Variants in PRKN observed in about 807,000 individuals in gnomAD.
PRKN encodes the protein parkin RBR E3 ubiquitin protein ligase, also known as E3 ubiquitin-protein ligase parkin.
PRKN carries 56 observed loss-of-function variants against 59.5 expected under a neutral mutation model. That is an observed-to-expected ratio of 0.94 (90% confidence interval 0.76 to 1.18). The LOEUF (loss-of-function observed/expected upper bound fraction) is 1.18, where lower values mean the gene tolerates loss of function less well. Among genes scored for constraint, PRKN ranks in the 50% most tolerant of loss-of-function variants. PRKN has a pLI of 0.00. For missense variants in PRKN, 657 were observed against 596.4 expected, an observed-to-expected ratio of 1.10 and a Z score of -1.06; for synonymous variants, 250 against 222.1, an observed-to-expected ratio of 1.13 and a Z score of -1.12.
intron 6 of PRKN, among the ~76,000 whole-genome samples, chr6:161,833,539 C>G (rs1003658988): frequency 2.0e-5 from 3 of 152,160 alleles, no homozygotes; most frequent in Non-Finnish European, 4.4e-5. Context: ...AGTCTTGACA[C>G]TTCCTTATCT....
intron 3 of PRKN, among the ~76,000 whole-genome samples, chr6:162,227,957 A>G (rs1248908728): frequency 6.6e-6 from 1 of 151,726 alleles, no homozygotes; most frequent in East Asian, 1.9e-4. Context: ...AAACTTAACT[A>G]CTTAGTGACC....
intron 1 of PRKN, among the ~76,000 whole-genome samples, chr6:162,587,355 C>T (rs1048380544): frequency 1.3e-5 from 2 of 152,046 alleles, no homozygotes; most frequent in Non-Finnish European, 1.5e-5. Context: ...AGGCTGGTCT[C>T]GAACTCCCAA....
chr6:162,060,201 T>C (rs903696322), intron 4 of PRKN, among the ~76,000 whole-genome samples: 17 of 152,208 alleles, frequency 1.1e-4, no homozygotes, highest in African/African-American at 3.9e-4. Context: ...ATCGCATATG[T>C]TTGTATGAGT....
chr6:162,487,303 G>A lies in PRKN; in HGVS notation c.8-43830C>T, dbSNP rs548311919. ...AGCCTCTGCGTTTTCATTCTCTAAC[G>A]GAGGCTGGCAAGACTTTGTATAGAG... On this transcript the variant is annotated intron_variant, in intron 1 of 11. Coordinates refer to ENST00000366898, the MANE Select transcript of PRKN (RefSeq NM_004562.3). 5.3e-5 allele frequency among the ~76,000 whole-genome samples: 8 copies of A among 152,134 alleles called. No homozygotes were observed. The South Asian group carries it at 1.0e-3, about 20-fold the overall frequency.
chr6:162,652,780 T>TA (rs918141191), intron 1 of PRKN, among the ~76,000 whole-genome samples: 18 of 150,050 alleles, frequency 1.2e-4, no homozygotes, highest in East Asian at 5.9e-4. Context: ...TCCTCTTTAT[T>TA]AAAAAAAAAT....
chr6:162,617,747 T>A (rs1053881359), intron 1 of PRKN, among the ~76,000 whole-genome samples: 1 of 125,540 alleles, frequency 8.0e-6, no homozygotes, highest in African/African-American at 3.3e-5. Context: ...ATAATTTTTA[T>A]CTGAAAAATA....
At chr6:162,534,221 TCTTCCCC>T (rs1193194514) in intron 1 of PRKN, among the ~76,000 whole-genome samples, 2 of 152,140 alleles carry the variant, frequency 1.3e-5, no homozygotes, top group Admixed American at 6.5e-5. Flanking sequence ...GATGTCTTTG[TCTTCCCC>T]CACAGCTCTA....
intron 2 of PRKN, among the ~76,000 whole-genome samples, chr6:162,349,381 C>T (rs1402218535): frequency 4.6e-5 from 7 of 152,068 alleles, no homozygotes; most frequent in East Asian, 1.9e-4. Context: ...GCAGGAGAAT[C>T]GCTGGAACCC....
intron 5 of PRKN, among the ~76,000 whole-genome samples, chr6:161,974,261 T>C (rs1167396849): frequency 6.6e-6 from 1 of 152,170 alleles, no homozygotes; most frequent in Non-Finnish European, 1.5e-5. Flanking sequence ...GCCGAGAGTT[T>C]AGCAGAGCAT....
rs1426555565 is a variant in PRKN, at chr6:161,502,170, A to C, written c.1083+46684T>G. Among the ~76,000 whole-genome samples, 1 of 152,166 alleles carries C rather than the reference A, an allele frequency of 6.6e-6. No individual in the cohort carries two copies. The highest frequency in any genetic ancestry group is 1.5e-5 in the Non-Finnish European group (1 of 68,032). The stretch of plus-strand genomic sequence containing the variant: ...ATCATCATTGTTGCTAATCATGTCC[A>C]TTTTGGGCCATGCACTGCACATGCT... On this transcript the variant is annotated intron_variant, in intron 9 of 11. Transcript: ENST00000366898. This position sits in a 1 kb window ranked among gnomAD's most constrained non-coding sequence, Gnocchi z 4.0.
intron 2 of PRKN, among the ~76,000 whole-genome samples, chr6:162,435,348 CTT>C (rs373795564): frequency 6.8e-6 from 1 of 147,950 alleles, no homozygotes; most frequent in South Asian, 2.1e-4. Context: ...AGAATCTTAG[CTT>C]TTTTTTTTTC....
chr6:162,181,392 A>G (rs1298614657), intron 4 of PRKN, among the ~76,000 whole-genome samples: 1 of 152,248 alleles, frequency 6.6e-6, no homozygotes, highest in African/African-American at 2.4e-5. Context: ...CATGAGCTGA[A>G]TAAGGATGAT....
chr6:161,764,395 GA>G (rs1346452516), intron 7 of PRKN, among the ~76,000 whole-genome samples: 1 of 152,142 alleles, frequency 6.6e-6, no homozygotes, highest in African/African-American at 2.4e-5. Flanking sequence ...TGCTTTATCT[GA>G]CATTTTAAGG....
chr6:162,108,020 C>G (rs56771837), intron 4 of PRKN, among the ~76,000 whole-genome samples: 1,843 of 152,294 alleles, frequency 0.012, 41 homozygotes, highest in African/African-American at 0.042. Flanking sequence ...TAATATATTA[C>G]TTATTACATA....
rs1779851859 is a variant in PRKN at position 161,547,885 on chromosome 6, T to C, written c.1083+969A>G. ...ATTATTTTTCAACTTCCACTTCCTC[T>C]ACTCCATTGCTCAACCCAGGATTTT... On this transcript the variant is annotated intron_variant, in intron 9 of 11. Coordinates refer to ENST00000366898, the MANE Select transcript of PRKN (RefSeq NM_004562.3). The surrounding 1 kb of genome is among the most constrained non-coding windows in gnomAD (Gnocchi z 4.0). 6.6e-6 allele frequency among the ~76,000 whole-genome samples: 1 copy of C among 152,194 alleles called. No homozygotes were observed. The highest frequency in any genetic ancestry group is 2.4e-5 in the African/African-American group (1 of 41,456).
chr6:161,401,023 T>G lies in PRKN; in HGVS notation c.1084-14146A>C, dbSNP rs528686160. ...CAAACAAACATCTGTTTCTGATGGC[T>G]GCAGCACCATCCTTCATTATAGAAT... On this transcript the variant is annotated intron_variant, in intron 9 of 11. Transcript: ENST00000366898. The surrounding 1 kb of genome is among the most constrained non-coding windows in gnomAD (Gnocchi z 4.4). 1.4e-4 allele frequency among the ~76,000 whole-genome samples: 22 copies of G among 152,310 alleles called. 1 individual carries two copies. The East Asian group carries it at 4.3e-3, about 29-fold the overall frequency.
chr6:161,961,331 A>T (rs1423524456), intron 6 of PRKN, among the ~76,000 whole-genome samples: 1 of 152,152 alleles, frequency 6.6e-6, no homozygotes, highest in Non-Finnish European at 1.5e-5. Context: ...TTCAGCAGAA[A>T]CGGAAGCTAC....
rs746472978 is a variant in PRKN, at chr6:161,740,074, GAGGACTTC to G, written c.871+45690_871+45697del. ...CCGGCCAACACATGTAACTATTAAT[GAGGACTTC>G]AGATCAGCCTGAGTTAACCAATGTT... On this transcript the variant is annotated intron_variant, in intron 7 of 11. Transcript: ENST00000366898. Among the ~76,000 whole-genome samples, 95 of 152,282 alleles carry G rather than the reference GAGGACTTC, an allele frequency of 6.2e-4. 1 individual carries two copies. Among genetic ancestry groups the G allele is most frequent in the Middle Eastern group, 3.4e-3 (1 of 294 alleles).
Position 161,527,282 on chromosome 6 carries a change from G to A in PRKN, c.1083+21572C>T, listed in dbSNP as rs1779049027. ...AAAGAAGTACATTCTGGGGTGGCATGTTCTGGTCTCCTACCATCATATTTT... is the reference window on the plus strand; with the variant it reads ...AAAGAAGTACATTCTGGGGTGGCATATTCTGGTCTCCTACCATCATATTTT... On this transcript the variant is annotated intron_variant, in intron 9 of 11. Coordinates refer to ENST00000366898, the MANE Select transcript of PRKN (RefSeq NM_004562.3). The surrounding 1 kb of genome is among the most constrained non-coding windows in gnomAD (Gnocchi z 4.6). Among the ~76,000 whole-genome samples the A allele has an allele frequency of 6.6e-6, 1 of 152,196 alleles. No individual in the cohort carries two copies. Among genetic ancestry groups the A allele is most frequent in the South Asian group, 2.1e-4 (1 of 4,836 alleles).
Sources: allele counts gnomAD v4.1 joint callset (sites outside exome capture counted in the v4.1 genomes callset), GRCh38; gene constraint gnomAD v4.1.1; non-coding constraint Gnocchi (gnomAD v3.1); transcripts MANE v1.5; gene names NCBI Gene and HGNC (gene_info 2026-07-23, HGNC 2026-07-21).